Variants in FBN1 observed in about 807,000 individuals in gnomAD.
FBN1 encodes the protein fibrillin 1, also known as fibrillin-1.
In FBN1, 29 loss-of-function variants were observed where a neutral mutation model predicts 365.1. The ratio of observed to expected loss-of-function variants is 0.08; its 90% CI spans 0.06 to 0.11. FBN1 has a LOEUF of 0.11. Ranked by LOEUF, FBN1 falls within the 10% of genes least tolerant of loss-of-function variation. FBN1 has a pLI of 1.00. For missense variants in FBN1, 2,476 were observed against 3,703.2 expected (o/e 0.67, Z 8.60); for synonymous variants, 1,210 against 1,270.5 (o/e 0.95, Z 1.01).
At chr15:48,462,955 G>A in intron 42 of FBN1, 127 bp downstream of exon 42, 2 of 910,218 alleles carry the variant, frequency 2.2e-6, no homozygotes, top group Non-Finnish European at 3.6e-6. Flanking sequence ...TTTAAATCAT[G>A]AGCCGTTTTT....
intron 4 of FBN1, among the ~76,000 whole-genome samples, chr15:48,602,419 C>T (rs547616040): frequency 6.6e-6 from 1 of 152,272 alleles, no homozygotes; most frequent in African/African-American, 2.4e-5. Context: ...CCTAGAGTAG[C>T]ACCTTGCTTT....
intron 6 of FBN1, among the ~76,000 whole-genome samples, chr15:48,576,287 C>T (rs145603778): frequency 1.3e-5 from 2 of 152,302 alleles, no homozygotes; most frequent in East Asian, 3.9e-4. Flanking sequence ...TTCATCAACT[C>T]TTACATATTC....
intron 8 of FBN1, among the ~76,000 whole-genome samples, chr15:48,527,607 C>A (rs138700416): frequency 4.0e-4 from 61 of 152,302 alleles, no homozygotes; most frequent in Non-Finnish European, 7.4e-4. Flanking sequence ...ATTTATAAGA[C>A]AAAATAGAGT....
intron 38 of FBN1, among the ~76,000 whole-genome samples, chr15:48,466,745 G>A (rs1402407708): frequency 6.6e-6 from 1 of 152,038 alleles, no homozygotes; most frequent in Non-Finnish European, 1.5e-5. Context: ...CTACAAAGCT[G>A]ACTCCCCAAA....
chr15:48,550,816 C>A (rs1009984770), intron 6 of FBN1, among the ~76,000 whole-genome samples: 3 of 152,196 alleles, frequency 2.0e-5, no homozygotes, highest in Admixed American at 2.0e-4. Context: ...CTCTGTGGCA[C>A]TAACCAAACT....
At position 48,444,557 on chromosome 15, in the gene FBN1, T is replaced by C. The variant is rs745877975; in HGVS notation, c.6021A>G (p.Gln2007=). ...CTTTCCTACCTTCACACTTCTCATTTTGAAGACTGTATCCAGGTGGGCAAA... is the reference window on the plus strand; with the variant it reads ...CTTTCCTACCTTCACACTTCTCATTCTGAAGACTGTATCCAGGTGGGCAAA... ...RCICPPGYSL[Q]NEKCEDIDEC... Residue 2007 remains glutamine (Q), a synonymous_variant, in exon 49 of 66, where the codon CAA becomes CAG. Transcript: ENST00000316623. 6.2e-7 allele frequency: 1 copy of C among 1,613,536 alleles called. No individual in the cohort carries two copies. The highest frequency in any genetic ancestry group is 1.1e-5 in the South Asian group (1 of 91,078).
chr15:48,472,756 C>A, intron 34 of FBN1, 80 bp from the exon 35 acceptor site: 2 of 1,597,528 alleles, frequency 1.3e-6, no homozygotes, highest in South Asian at 1.1e-5. Context: ...CTTTCCAGTG[C>A]AGCAATGTTT....
intron 33 of FBN1, 37 bp from the exon 34 acceptor site, chr15:48,474,414 G>A: frequency 3.1e-6 from 5 of 1,613,460 alleles, no homozygotes; most frequent in Non-Finnish European, 4.2e-6. Flanking sequence ...TAACAGAAAG[G>A]GTGGTATTTA....
At chr15:48,593,648 A>G (rs997989311) in intron 6 of FBN1, among the ~76,000 whole-genome samples, 1 of 152,184 alleles carries the variant, frequency 6.6e-6, no homozygotes, top group Non-Finnish European at 1.5e-5. Flanking sequence ...TTTTGATGCT[A>G]TTAAATGAAT....
chr15:48,600,010 G>T, intron 5 of FBN1, 129 bp downstream of exon 5: 2 of 728,886 alleles, frequency 2.7e-6, no homozygotes, highest in Non-Finnish European at 2.4e-6. Context: ...CATCTGTAAA[G>T]GTCACTGGAC....
intron 2 of FBN1, among the ~76,000 whole-genome samples, chr15:48,635,761 A>T (rs1890080508): frequency 6.6e-6 from 1 of 152,258 alleles, no homozygotes; most frequent in Non-Finnish European, 1.5e-5. Flanking sequence ...AACAAAACAT[A>T]CTGCTTCATT....
At chr15:48,519,269 A>C (rs2043830868) in intron 10 of FBN1, among the ~76,000 whole-genome samples, 1 of 152,220 alleles carries the variant, frequency 6.6e-6, no homozygotes, top group Non-Finnish European at 1.5e-5. Flanking sequence ...ACAAGTAAAA[A>C]TTGTATATAT....
At chr15:48,503,382 T>C (rs549709588) in intron 17 of FBN1, among the ~76,000 whole-genome samples, 2 of 152,022 alleles carry the variant, frequency 1.3e-5, no homozygotes, top group East Asian at 1.9e-4. Context: ...AAACAAAATT[T>C]ACAAATGGCC....
At chr15:48,487,818 G>A (rs565108532) in intron 27 of FBN1, among the ~76,000 whole-genome samples, 3 of 152,312 alleles carry the variant, frequency 2.0e-5, no homozygotes, top group Non-Finnish European at 4.4e-5. Flanking sequence ...CAGACATCTT[G>A]TAAAGGGACC....
intron 6 of FBN1, among the ~76,000 whole-genome samples, chr15:48,573,196 T>G (rs530087765): frequency 6.6e-6 from 1 of 152,328 alleles, no homozygotes; most frequent in East Asian, 1.9e-4. Flanking sequence ...TGTCTCAAAT[T>G]GTTTTTGCAA....
chr15:48,542,253 A>C (rs1328135491), intron 6 of FBN1, among the ~76,000 whole-genome samples: 1 of 152,220 alleles, frequency 6.6e-6, no homozygotes, highest in Non-Finnish European at 1.5e-5. Context: ...TGGTACAATG[A>C]ATTCTCGTCC....
intron 6 of FBN1, among the ~76,000 whole-genome samples, chr15:48,549,597 T>C (rs980314644): frequency 1.3e-5 from 2 of 152,238 alleles, no homozygotes; most frequent in Non-Finnish European, 2.9e-5. Flanking sequence ...ACCAATGCAC[T>C]TGGACTCAAT....
At chr15:48,634,101 T>C (rs535291842) in intron 2 of FBN1, among the ~76,000 whole-genome samples, 1 of 152,354 alleles carries the variant, frequency 6.6e-6, no homozygotes, top group African/African-American at 2.4e-5. Flanking sequence ...AGAAGGTCCT[T>C]TAAAAGTTAT....
At chr15:48,484,055 T>C in intron 30 of FBN1, 112 bp from the exon 31 acceptor site, 4 of 1,066,306 alleles carry the variant, frequency 3.8e-6, no homozygotes, top group East Asian at 2.5e-5. Context: ...CATAAGACTA[T>C]TAACTCTCAA....
Sources: gnomAD v4.1 joint callset for allele counts (sites outside exome capture counted in the v4.1 genomes callset) on GRCh38, gnomAD v4.1.1 for gene constraint, MANE v1.5 for transcripts, NCBI Gene and HGNC (gene_info 2026-07-23, HGNC 2026-07-21) for gene names.